The following UNK variants were observed in gnomAD, a reference collection of about 807,000 sequenced individuals.
UNK encodes RING finger protein unkempt homolog.
A neutral mutation model predicts 97.6 loss-of-function variants in UNK; 32 were observed. The observed-to-expected ratio is 0.33, with a 90% CI of 0.25 to 0.44. UNK has a LOEUF of 0.44. Ranked by LOEUF, UNK falls within the 20% of genes least tolerant of loss-of-function variation. The pLI is 1.00. For missense variants in UNK, 771 were observed against 1,098.4 expected (o/e 0.70, Z 4.21); for synonymous variants, 441 against 461.2 (o/e 0.96, Z 0.56).
chr17:75,819,928 T>C lies in UNK; in HGVS notation c.1657T>C (p.Leu553=), dbSNP rs745308945. The change falls in exon 13 of 16, where the codon TTG becomes CTG. Residue 553 remains leucine, a synonymous_variant. Transcript: ENST00000589666. This position sits in a 1 kb window ranked among gnomAD's most constrained non-coding sequence, Gnocchi z 5.4. Reference sequence around the variant, plus strand: ...CCGGGCCTCTCTTGCAGGCGGCAGCTTGCTGCAGAGCTCTGCACCCGTGAA... The same window carrying C: ...CCGGGCCTCTCTTGCAGGCGGCAGCCTGCTGCAGAGCTCTGCACCCGTGAA... ...HPGSITIGGS[L]LQSSAPVNIP... is the part of the protein sequence containing the mutation. 6.2e-7 allele frequency: 1 copy of C among 1,609,358 alleles called. No homozygotes were observed. The highest frequency in any genetic ancestry group is 8.5e-7 in the Non-Finnish European group (1 of 1,177,626).
At chr17:75,813,486 CACAGCGTGG>C (rs1337664367) in intron 5 of UNK, among the ~76,000 whole-genome samples, 1 of 152,228 alleles carries the variant, frequency 6.6e-6, no homozygotes, top group East Asian at 1.9e-4. Flanking sequence ...AGGACCAGGC[CACAGCGTGG>C]ACAGTGTGGT....
chr17:75,786,301 G>A (rs891019959), intron 1 of UNK, among the ~76,000 whole-genome samples: 3 of 152,090 alleles, frequency 2.0e-5, no homozygotes, highest in Non-Finnish European at 2.9e-5. Context: ...CTTGATTTTC[G>A]AATCTGGAAA....
At chr17:75,810,377 A>G (rs2061957631) in intron 2 of UNK, among the ~76,000 whole-genome samples, 1 of 152,082 alleles carries the variant, frequency 6.6e-6, no homozygotes, top group East Asian at 1.9e-4. Flanking sequence ...AGGGCACAGC[A>G]CTGACAGACA....
In UNK at chr17:75,816,225, G is replaced by A. The variant is rs1360107561; in HGVS notation, c.962-545G>A. ...AGAGACAGAGCTCCAGTTTGTACCT[G>A]TTAACACCTCTTTCCACCCCAAGAT... is the stretch of plus-strand genomic sequence containing the variant. On this transcript the variant is annotated intron_variant, in intron 7 of 15. Transcript: ENST00000589666. The surrounding 1 kb of genome is among the most constrained non-coding windows in gnomAD (Gnocchi z 4.0). Among the ~76,000 whole-genome samples the A allele has an allele frequency of 6.6e-6, 1 of 152,174 alleles. No homozygotes were observed. The highest frequency in any genetic ancestry group is 1.9e-4 in the East Asian group (1 of 5,188).
intron 5 of UNK, 31 bp downstream of exon 5, chr17:75,813,244 A>AGG (rs746870964): frequency 1.4e-4 from 219 of 1,554,204 alleles, no homozygotes; most frequent in Non-Finnish European, 1.9e-4. Flanking sequence ...CAGCCACGGG[A>AGG]GGGAGGAGTG....
At chr17:75,814,666 G>A (rs2143793845) in intron 6 of UNK, among the ~76,000 whole-genome samples, 1 of 152,280 alleles carries the variant, frequency 6.6e-6, no homozygotes, top group East Asian at 1.9e-4. Context: ...GTTCAGAGAG[G>A]CACCTGCAGT....
At chr17:75,807,532 T>C (rs56179852) in intron 1 of UNK, among the ~76,000 whole-genome samples, 20,317 of 152,300 alleles carry the variant, frequency 0.13, 1,452 homozygotes, top group Non-Finnish European at 0.15. Flanking sequence ...CTTGGCTCAC[T>C]GCAACCTCCG....
Position 75,784,984 on chromosome 17 carries a change from C to T in UNK, c.104C>T (p.Thr35Met). The T allele has an allele frequency of 6.8e-7, 1 of 1,466,542 alleles. No individual in the cohort carries two copies. The highest frequency in any genetic ancestry group is 1.3e-5 in the South Asian group (1 of 75,026). 90.8% of individuals were successfully genotyped at this position (1,466,542 alleles called of 1,614,324 possible). A position where few individuals can be genotyped will look rare whatever the true frequency, so the allele number is the denominator to read the frequency against. The change falls in exon 1 of 16, where the codon ACG becomes ATG. Residue 35 changes from threonine to methionine, a missense_variant and splice_region_variant. Transcript: ENST00000589666. ...QAQPEKPQHY[T>M]YLKEFRTEQC... The stretch of plus-strand genomic sequence containing the variant: ...CAGCCCGAGAAACCGCAGCACTACA[C>T]GTACGTAGAGCCCCCCCCCCCCCGC...
At chr17:75,790,668 C>G (rs768145740) in intron 1 of UNK, among the ~76,000 whole-genome samples, 16 of 151,360 alleles carry the variant, frequency 1.1e-4, no homozygotes, top group Non-Finnish European at 1.9e-4. Context: ...TGGTGGCTCA[C>G]GCCTGTAATC....
intron 1 of UNK, chr17:75,792,543 C>G (rs2061771425): frequency 2.1e-6 from 2 of 946,486 alleles, no homozygotes; most frequent in Non-Finnish European, 2.5e-6. Context: ...CTAACAATGC[C>G]AAGAATTTAG....
intron 14 of UNK, 82 bp downstream of exon 14, chr17:75,822,740 G>A (rs960691845): frequency 7.1e-7 from 1 of 1,414,540 alleles, no homozygotes; most frequent in East Asian, 2.7e-5. Flanking sequence ...GTGGGCGTGG[G>A]GTGGGGGAAA....
rs781673533 is a variant in UNK at position 75,784,998 on chromosome 17, C to G, written c.104+14C>G. 7.2e-6 allele frequency: 10 copies of G among 1,379,470 alleles called. No individual in the cohort carries two copies. The highest frequency in any genetic ancestry group is 1.6e-5 in the South Asian group (1 of 62,770). 85.5% of individuals were successfully genotyped at this position (1,379,470 alleles called of 1,614,324 possible). A position where few individuals can be genotyped will look rare whatever the true frequency, so the allele number is the denominator to read the frequency against. On this transcript the variant is annotated intron_variant, in intron 1 of 15. Transcript: ENST00000589666. ...GCAGCACTACACGTACGTAGAGCCC[C>G]CCCCCCCCCGCCGCGCGCGCACGCC...
rs1040437723 is a variant in UNK at position 75,800,964 on chromosome 17, C to T, written c.105-8796C>T. The stretch of plus-strand genomic sequence containing the variant: ...TGTCGCCCAGGCTGGAGTGCAGTGG[C>T]GTGATCTGGGCTCACTGCAAGCTCT... On this transcript the variant is annotated intron_variant, in intron 1 of 15. Coordinates refer to ENST00000589666, the MANE Select transcript of UNK (RefSeq NM_001080419.3). 5.9e-4 allele frequency among the ~76,000 whole-genome samples: 90 copies of T among 151,296 alleles called. 1 individual carries two copies. Among genetic ancestry groups the T allele is most frequent in the Non-Finnish European group, 2.8e-4 (19 of 67,840 alleles).
chr17:75,788,284 A>T (rs536454399), intron 1 of UNK, among the ~76,000 whole-genome samples: 1 of 151,846 alleles, frequency 6.6e-6, no homozygotes, highest in South Asian at 2.1e-4. Context: ...GGTTTAAGCA[A>T]TTCTCCTGCT....
rs2062018602 is a variant in UNK at position 75,816,675 on chromosome 17, G to A, written c.962-95G>A. On this transcript the variant is annotated intron_variant, in intron 7 of 15. Transcript: ENST00000589666. The surrounding 1 kb of genome is among the most constrained non-coding windows in gnomAD (Gnocchi z 4.0). ...GTAGGAACCTTCCCTTTATGTGCAG[G>A]GGGATTTGTGGTCTCCTTTGGAAGG... is the stretch of plus-strand genomic sequence containing the variant. The A allele has an allele frequency of 2.1e-6, 3 of 1,425,280 alleles. No individual in the cohort carries two copies. The East Asian group carries it at 7.2e-5, about 34-fold the overall frequency. The allele number at this position is 1,425,280 out of a possible 1,614,324, so 88.3% of individuals were successfully genotyped here. A position where few individuals can be genotyped will look rare whatever the true frequency, so the allele number is the denominator to read the frequency against.
chr17:75,794,237 T>C (rs937412098), intron 1 of UNK: 9 of 918,614 alleles, frequency 9.8e-6, no homozygotes, highest in African/African-American at 9.0e-5. Flanking sequence ...TTTATGGTAT[T>C]GTAGTTATGG....
At chr17:75,823,209 C>T in intron 14 of UNK, 56 bp from the exon 15 acceptor site, 1 of 1,519,882 alleles carries the variant, frequency 6.6e-7, no homozygotes, top group Non-Finnish European at 8.9e-7. Flanking sequence ...ATGATGCTCT[C>T]TGGGGACAGG....
At chr17:75,792,231 C>T (rs34876921) in intron 1 of UNK, 14 of 933,554 alleles carry the variant, frequency 1.5e-5, no homozygotes, top group Non-Finnish European at 1.8e-5. Flanking sequence ...GTGGACTGGT[C>T]TAGTGATTAT....
At chr17:75,813,015 C>T (rs929481786) in intron 4 of UNK, 63 bp from the exon 5 acceptor site, 5 of 1,513,358 alleles carry the variant, frequency 3.3e-6, no homozygotes, top group Admixed American at 4.3e-5. Flanking sequence ...CACTCCAGTC[C>T]TGCTAGTCTT....
Sources: gnomAD v4.1 joint callset for allele counts (sites outside exome capture counted in the v4.1 genomes callset) on GRCh38, gnomAD v4.1.1 for gene constraint, Gnocchi (gnomAD v3.1) non-coding constraint, MANE v1.5 for transcripts, NCBI Gene and HGNC (gene_info 2026-07-23, HGNC 2026-07-21) for gene names.